TNS1: variants seen among roughly 807,000 people sequenced by gnomAD.
TNS1 encodes the protein tensin-1.
Under a neutral mutation model 168.6 loss-of-function variants are expected in TNS1, and 62 were observed. The observed-to-expected ratio is 0.37, with a 90% CI of 0.30 to 0.45. The LOEUF is 0.45. Ranked by LOEUF, TNS1 falls within the 20% of genes least tolerant of loss-of-function variation. The pLI is 1.00. For synonymous variants in TNS1, 934 were observed against 933.2 expected (o/e 1.00, Z -0.02); for missense variants, 2,240 against 2,339.4 (o/e 0.96, Z 0.88).
intron 3 of TNS1, among the ~76,000 whole-genome samples, chr2:217,943,457 A>T (rs1957014085): frequency 6.6e-6 from 1 of 151,792 alleles, no homozygotes; most frequent in Admixed American, 6.6e-5. Flanking sequence ...AGCAGAAGAG[A>T]CTCCCAAGCT....
At chr2:217,998,571 G>A (rs115351992) in intron 1 of TNS1, among the ~76,000 whole-genome samples, 1 of 152,184 alleles carries the variant, frequency 6.6e-6, no homozygotes, top group African/African-American at 2.4e-5. Context: ...TGTAATCATA[G>A]CTCGCTATAG....
intron 3 of TNS1, among the ~76,000 whole-genome samples, chr2:217,927,979 C>T (rs1236231710): frequency 6.6e-6 from 1 of 152,214 alleles, no homozygotes; most frequent in East Asian, 1.9e-4. Flanking sequence ...TATCTGTGGA[C>T]AGTCCAGCAC....
intron 3 of TNS1, among the ~76,000 whole-genome samples, chr2:217,953,485 T>C (rs1383906599): frequency 6.6e-6 from 1 of 152,208 alleles, no homozygotes; most frequent in African/African-American, 2.4e-5. Flanking sequence ...GGTGGTTATT[T>C]CTGTTGTTGG....
At chr2:217,939,549 A>G (rs979800691) in intron 3 of TNS1, among the ~76,000 whole-genome samples, 1 of 152,228 alleles carries the variant, frequency 6.6e-6, no homozygotes, top group African/African-American at 2.4e-5. Context: ...GCAGGAGAAG[A>G]TGAAGGTCTA....
At chr2:218,003,477 GCA>G (rs1958608119), upstream of TNS1, among the ~76,000 whole-genome samples, 2 of 152,072 alleles carry the variant, frequency 1.3e-5, no homozygotes, top group Admixed American at 1.3e-4. Context: ...ACATGCATTT[GCA>G]CACACAGACT....
intron 3 of TNS1, among the ~76,000 whole-genome samples, chr2:217,923,820 G>A (rs6725612): frequency 0.28 from 43,228 of 152,094 alleles, 7,276 homozygotes; most frequent in African/African-American, 0.46. Context: ...TGGAGGCTGC[G>A]AGGTGGAGCC....
chr2:217,830,419 T>C, intron 22 of TNS1: 1 of 1,612,672 alleles, frequency 6.2e-7, no homozygotes, highest in Non-Finnish European at 8.5e-7. Flanking sequence ...TTGACCCCAA[T>C]AGCCCCCACC....
intron 18 of TNS1, among the ~76,000 whole-genome samples, chr2:217,865,797 G>C (rs1457907786): frequency 1.3e-5 from 2 of 152,184 alleles, no homozygotes; most frequent in Admixed American, 6.5e-5. Context: ...GGATAGTCTT[G>C]TGAGTGTAAA....
At chr2:217,978,680 C>G in intron 3 of TNS1, 85 bp downstream of exon 3, 1 of 671,312 alleles carries the variant, frequency 1.5e-6, no homozygotes. Flanking sequence ...CCGCCCCCGC[C>G]CCGCCGGCGC....
chr2:218,016,750 T>C (rs967446698), intron 1 of TNS1, among the ~76,000 whole-genome samples: 1 of 152,098 alleles, frequency 6.6e-6, no homozygotes, highest in African/African-American at 2.4e-5. Flanking sequence ...GCACTGGGGC[T>C]GAGACCTGGC....
Position 217,809,244 on chromosome 2 carries a change from G to C in TNS1, c.5274-573C>G, listed in dbSNP as rs200106036. Among the ~76,000 whole-genome samples, 72 of 42,872 alleles carry C rather than the reference G, an allele frequency of 1.7e-3. 1 individual carries two copies. Among genetic ancestry groups the C allele is most frequent in the South Asian group, 3.8e-3 (5 of 1,330 alleles). 28.1% of individuals were successfully genotyped at this position (42,872 alleles called of 152,430 possible). A position where few individuals can be genotyped will look rare whatever the true frequency, so the allele number is the denominator to read the frequency against. On this transcript the variant is annotated intron_variant, in intron 30 of 32. Coordinates refer to ENST00000682258, the MANE Select transcript of TNS1 (RefSeq NM_001387777.1). ...GGATGGATGGATGGATGGATGGATG[G>C]ATGGATGCATGGATGGATGGATGGA...
intron 3 of TNS1, among the ~76,000 whole-genome samples, chr2:217,931,316 G>A (rs190802964): frequency 3.0e-4 from 46 of 152,288 alleles, no homozygotes; most frequent in African/African-American, 1.1e-3. Flanking sequence ...AAACTTGAAG[G>A]GACAAAAGTC....
intron 6 of TNS1, among the ~76,000 whole-genome samples, chr2:217,901,085 T>C (rs1376519922): frequency 3.9e-5 from 6 of 152,158 alleles, no homozygotes; most frequent in Non-Finnish European, 7.4e-5. Context: ...CTCCCCACTG[T>C]CTGTGGCAGA....
At chr2:217,969,577 A>G (rs1957728644) in intron 3 of TNS1, among the ~76,000 whole-genome samples, 1 of 152,242 alleles carries the variant, frequency 6.6e-6, no homozygotes, top group Admixed American at 6.5e-5. Context: ...GAACTTTTAC[A>G]ACTCAATAAT....
chr2:217,812,407 G>C lies in TNS1; in HGVS notation c.4993C>G (p.Pro1665Ala). The C allele has an allele frequency of 1.2e-6, 2 of 1,614,138 alleles. No individual in the cohort carries two copies. The stretch of plus-strand genomic sequence containing the variant: ...ACCAGCTTGCAAGGCAGGGCCAATG[G>C]GATGATGGAGTGCTGGTAGACCAGG... The part of the protein sequence containing the change: ...SALVYQHSII[P>A]LALPCKLVIP... The change falls in exon 28 of 33, where the codon CCA becomes GCA. Residue 1665 changes from proline (P) to alanine (A), a missense_variant. By Grantham distance (27) the Pro-to-Ala change is conservative (BLOSUM62 -1). This residue lies in a region of TNS1 where 2,131 missense variants were observed against 2,171.2 expected (regional missense o/e 0.98). Coordinates refer to ENST00000682258, the MANE Select transcript of TNS1 (RefSeq NM_001387777.1).
intron 1 of TNS1, chr2:217,992,701 CAG>C (rs752953822): frequency 2.0e-5 from 3 of 152,108 alleles, no homozygotes; most frequent in Non-Finnish European, 4.4e-5. Flanking sequence ...GCAGACAGGA[CAG>C]AGAGAGAGGA....
intron 19 of TNS1, among the ~76,000 whole-genome samples, chr2:217,840,293 C>G (rs1208102426): frequency 6.6e-6 from 1 of 152,212 alleles, no homozygotes. Flanking sequence ...GATTCCCTGG[C>G]CAGGGCTCAA....
At chr2:217,935,206 C>G (rs1203088356) in intron 3 of TNS1, among the ~76,000 whole-genome samples, 1 of 152,214 alleles carries the variant, frequency 6.6e-6, no homozygotes, top group East Asian at 1.9e-4. Flanking sequence ...TGCAGCCAGA[C>G]AGCGGTTACT....
intron 22 of TNS1, among the ~76,000 whole-genome samples, 171 bp from the exon 23 acceptor site, chr2:217,822,109 A>G (rs1257169530): frequency 6.6e-6 from 1 of 152,022 alleles, no homozygotes; most frequent in East Asian, 1.9e-4. Flanking sequence ...CCTGCCCTGC[A>G]GTGACCTTTC....
Sources: gnomAD v4.1 joint callset for allele counts (sites outside exome capture counted in the v4.1 genomes callset) on GRCh38, gnomAD v4.1.1 for gene constraint, gnomAD v4.1.1 regional missense constraint, MANE v1.5 for transcripts, NCBI Gene and HGNC (gene_info 2026-07-23, HGNC 2026-07-21) for gene names.